RAB3C: variants seen among roughly 807,000 people sequenced by gnomAD.
RAB3C encodes the protein ras-related protein Rab-3C.
Under a neutral mutation model 26.4 loss-of-function variants are expected in RAB3C, and 17 were observed. The ratio of observed to expected loss-of-function variants is 0.64; its 90% CI spans 0.44 to 0.97. The LOEUF (loss-of-function observed/expected upper bound fraction) is 0.97. Ranked by LOEUF, RAB3C falls within the 50% of genes least tolerant of loss-of-function variation. The pLI, the probability that RAB3C is intolerant of heterozygous loss-of-function variation, is 0.00. For missense variants in RAB3C, 242 were observed against 281.9 expected, an observed-to-expected ratio of 0.86 and a Z score of 1.01; for synonymous variants, 91 against 95.9, an observed-to-expected ratio of 0.95 and a Z score of 0.30.
At chr5:58,791,646 G>A (rs1203708075) in intron 3 of RAB3C, among the ~76,000 whole-genome samples, 1 of 152,110 alleles carries the variant, frequency 6.6e-6, no homozygotes, top group Non-Finnish European at 1.5e-5. Flanking sequence ...AATCTATTTG[G>A]TGCTTAAATA....
At chr5:58,667,548 T>C (rs1033121309) in intron 2 of RAB3C, among the ~76,000 whole-genome samples, 3 of 152,146 alleles carry the variant, frequency 2.0e-5, no homozygotes, top group Non-Finnish European at 4.4e-5. Context: ...AGTATATTAA[T>C]TTGCTTAAGC....
At chr5:58,836,330 T>C (rs1743747244) in intron 4 of RAB3C, among the ~76,000 whole-genome samples, 1 of 152,164 alleles carries the variant, frequency 6.6e-6, no homozygotes, top group African/African-American at 2.4e-5. Flanking sequence ...ATACATATAA[T>C]GTATTGTGGT....
At chr5:58,796,325 G>T (rs1022423533) in intron 3 of RAB3C, among the ~76,000 whole-genome samples, 2 of 152,186 alleles carry the variant, frequency 1.3e-5, no homozygotes. Context: ...GAAATGCTAA[G>T]TTGGGCTTTA....
intron 3 of RAB3C, among the ~76,000 whole-genome samples, chr5:58,749,296 A>T (rs956207432): frequency 5.9e-5 from 9 of 152,258 alleles, no homozygotes; most frequent in Non-Finnish European, 1.0e-4. Flanking sequence ...TGTGATTTTT[A>T]AAAAAATTTC....
At chr5:58,806,941 A>C (rs1022800508) in intron 3 of RAB3C, among the ~76,000 whole-genome samples, 1 of 152,148 alleles carries the variant, frequency 6.6e-6, no homozygotes, top group African/African-American at 2.4e-5. Flanking sequence ...GTGTCAAAGG[A>C]AGGTAAGTGG....
rs531556462 is a variant in RAB3C at position 58,852,334 on chromosome 5, C to T, written c.*983C>T. On this transcript the variant is annotated 3_prime_UTR_variant, in exon 5 of 5. Transcript: ENST00000282878. ...GCTTATGTTGAAGCTTGTTAGGGCT[C>T]CTCTTTCCGTAGGATGTAGACTTGC... The T allele has an allele frequency of 2.0e-5, 3 of 152,284 alleles. No homozygotes were observed. The highest frequency in any genetic ancestry group is 1.9e-4 in the East Asian group (1 of 5,182). 9.4% of individuals were successfully genotyped at this position (152,284 alleles called of 1,614,324 possible).
intron 1 of RAB3C, among the ~76,000 whole-genome samples, chr5:58,611,459 A>G (rs1314480650): frequency 6.6e-6 from 1 of 151,794 alleles, no homozygotes; most frequent in African/African-American, 2.4e-5. Context: ...TGTGGTTTTG[A>G]TTTGCATTTC....
chr5:58,687,215 A>G (rs1282220781), intron 2 of RAB3C, among the ~76,000 whole-genome samples: 1 of 152,106 alleles, frequency 6.6e-6, no homozygotes, highest in Non-Finnish European at 1.5e-5. Context: ...TACCAAAATA[A>G]CCTGCTATCT....
At chr5:58,797,360 ATATATAT>A in intron 3 of RAB3C, among the ~76,000 whole-genome samples, 1 of 16,540 alleles carries the variant, frequency 6.0e-5, no homozygotes, top group East Asian at 1.2e-3. Context: ...AAAAATATGT[ATATATAT>A]AATATATATA....
chr5:58,643,103 A>C (rs1211347553), intron 2 of RAB3C, among the ~76,000 whole-genome samples: 1 of 152,242 alleles, frequency 6.6e-6, no homozygotes, highest in Non-Finnish European at 1.5e-5. Flanking sequence ...ATTTGCCAAC[A>C]GTCTGCCTGT....
intron 1 of RAB3C, among the ~76,000 whole-genome samples, chr5:58,587,637 T>C (rs1184560364): frequency 1.3e-5 from 2 of 152,216 alleles, no homozygotes; most frequent in Admixed American, 6.6e-5. Context: ...TTTTGACAAA[T>C]GTATAAATCT....
intron 4 of RAB3C, among the ~76,000 whole-genome samples, chr5:58,831,768 AAAT>A (rs869112236): frequency 8.6e-4 from 131 of 152,298 alleles, no homozygotes; most frequent in African/African-American, 2.9e-3. Context: ...TTTCTCAAAA[AAAT>A]AATAATAATA....
chr5:58,624,513 G>T (rs1747012077), intron 2 of RAB3C, among the ~76,000 whole-genome samples: 1 of 152,170 alleles, frequency 6.6e-6, no homozygotes, highest in South Asian at 2.1e-4. Context: ...TCTTTCTTAT[G>T]AATAAGTGAC....
intron 1 of RAB3C, among the ~76,000 whole-genome samples, chr5:58,585,063 G>C (rs1380618969): frequency 6.6e-6 from 1 of 152,002 alleles, no homozygotes; most frequent in East Asian, 1.9e-4. Flanking sequence ...TATTTATAAT[G>C]TATTTTTAGT....
At chr5:58,715,441 A>C (rs1427587625) in intron 2 of RAB3C, among the ~76,000 whole-genome samples, 3 of 151,864 alleles carry the variant, frequency 2.0e-5, no homozygotes, top group African/African-American at 4.8e-5. Flanking sequence ...AAAAGTACGG[A>C]AGGGAATTAA....
chr5:58,593,178 T>A, intron 1 of RAB3C, among the ~76,000 whole-genome samples: 1 of 152,176 alleles, frequency 6.6e-6, no homozygotes, highest in East Asian at 1.9e-4. Context: ...TTGTGTCATC[T>A]TCAGTCTTTT....
intron 3 of RAB3C, among the ~76,000 whole-genome samples, chr5:58,797,382 TATATATATATATATAC>T (rs1561133590): frequency 4.4e-5 from 5 of 114,356 alleles, no homozygotes; most frequent in African/African-American, 1.7e-4. Context: ...TATATATATA[TATATATATATATATAC>T]ACAGAGAGAG....
chr5:58,668,445 A>G (rs951073361), intron 2 of RAB3C, among the ~76,000 whole-genome samples: 6 of 152,152 alleles, frequency 3.9e-5, no homozygotes, highest in African/African-American at 1.4e-4. Context: ...TATCCTCAAA[A>G]TAACTGAAAA....
At chr5:58,722,884 A>G (rs1740803988) in intron 2 of RAB3C, among the ~76,000 whole-genome samples, 1 of 151,912 alleles carries the variant, frequency 6.6e-6, no homozygotes, top group Non-Finnish European at 1.5e-5. Context: ...TAGTAAGCAA[A>G]GTATAATAAA....
Sources: allele counts gnomAD v4.1 joint callset (sites outside exome capture counted in the v4.1 genomes callset), GRCh38; gene constraint gnomAD v4.1.1; transcripts MANE v1.5; gene names NCBI Gene and HGNC (gene_info 2026-07-23, HGNC 2026-07-21).